STK26: variants seen among roughly 807,000 people sequenced by gnomAD.
STK26 encodes the protein serine/threonine kinase 26, also known as serine/threonine-protein kinase 26.
In STK26, 14 loss-of-function variants were observed where a neutral mutation model predicts 34.7. The ratio of observed to expected loss-of-function variants is 0.40; its 90% CI spans 0.27 to 0.63. The LOEUF (loss-of-function observed/expected upper bound fraction) is 0.63. Among genes scored for constraint, STK26 ranks in the 30% least tolerant of loss-of-function variants. The pLI is 0.38. For synonymous variants in STK26, 100 were observed against 109.8 expected (o/e 0.91, Z 0.56); for missense variants, 226 against 309.1 (o/e 0.73, Z 2.02).
intron 8 of STK26, 35 bp downstream of exon 8, chrX:132,071,252 C>A (rs747844871): frequency 8.5e-7 from 1 of 1,179,948 alleles, no homozygotes; most frequent in Non-Finnish European, 1.1e-6. Flanking sequence ...ATGTAGGCAG[C>A]CTATTTAAAT....
chrX:132,037,546 A>G (rs895419871), intron 2 of STK26, among the ~76,000 whole-genome samples: 1 of 111,312 alleles, frequency 9.0e-6, no homozygotes, highest in Non-Finnish European at 1.9e-5. Flanking sequence ...ACTGCTTTTG[A>G]TATATATTAA....
At chrX:132,056,116 T>C (rs2124172442) in intron 3 of STK26, among the ~76,000 whole-genome samples, 1 of 112,608 alleles carries the variant, frequency 8.9e-6, no homozygotes, top group East Asian at 2.8e-4. Context: ...TTGACACAAT[T>C]ATTTTAAATT....
chrX:132,060,827 G>C (rs1927028572), intron 3 of STK26, among the ~76,000 whole-genome samples: 1 of 109,339 alleles, frequency 9.1e-6, no homozygotes, highest in African/African-American at 3.3e-5. Flanking sequence ...ATGTTGCCTA[G>C]ACTGCTCTCA....
At chrX:132,038,295 AAAGG>A (rs1926134833) in intron 2 of STK26, among the ~76,000 whole-genome samples, 1 of 112,061 alleles carries the variant, frequency 8.9e-6, no homozygotes, top group East Asian at 2.8e-4. Flanking sequence ...AGCTAACAGA[AAAGG>A]AAATTGGGGA....
chrX:132,062,784 T>C (rs1927096614), intron 3 of STK26, among the ~76,000 whole-genome samples: 1 of 112,252 alleles, frequency 8.9e-6, no homozygotes, highest in South Asian at 3.6e-4. Context: ...TAAAAATTAC[T>C]AATAGTTCAA....
intron 1 of STK26, 41 bp from the exon 2 acceptor site, chrX:132,023,467 C>A: frequency 1.4e-6 from 1 of 718,305 alleles, no homozygotes; most frequent in Non-Finnish European, 2.2e-6. Context: ...CCGGGCTACG[C>A]GCCGCCAGCC....
At chrX:132,059,869 C>G (rs1266467143) in intron 3 of STK26, among the ~76,000 whole-genome samples, 1 of 111,427 alleles carries the variant, frequency 9.0e-6, no homozygotes, top group African/African-American at 3.3e-5. Flanking sequence ...TTCACTGAAA[C>G]TGTATGTGCT....
At chrX:132,035,565 T>C (rs1926010553) in intron 2 of STK26, among the ~76,000 whole-genome samples, 1 of 110,152 alleles carries the variant, frequency 9.1e-6, no homozygotes, top group Admixed American at 9.7e-5. Context: ...GGAATTATGT[T>C]ACCATGCTCA....
chrX:132,023,794 A>G, intron 2 of STK26, 135 bp downstream of exon 2: 1 of 766,563 alleles, frequency 1.3e-6, no homozygotes. Context: ...TGGCCAGGTG[A>G]CCTGGGAGTA....
At chrX:132,041,244 G>C (rs1324032290) in intron 2 of STK26, among the ~76,000 whole-genome samples, 1 of 111,538 alleles carries the variant, frequency 9.0e-6, no homozygotes, top group Non-Finnish European at 1.9e-5. Flanking sequence ...GAGGTGGTCA[G>C]GAAAGGCTGT....
At chrX:132,044,828 TAGAGAGAG>T in intron 2 of STK26, among the ~76,000 whole-genome samples, 1 of 53,025 alleles carries the variant, frequency 1.9e-5, no homozygotes, top group Admixed American at 2.0e-4. Context: ...TTTATATATA[TAGAGAGAG>T]ATCTATATAT....
At position 132,072,374 on chromosome X, in the gene STK26, A is replaced by G; in HGVS notation, c.1026+13A>G. ...ACAGAATGGGGCAGTATGTATATGG[A>G]GACAATTACTTACTCTTCATACAGT... On this transcript the variant is annotated intron_variant, in intron 9 of 11. Transcript: ENST00000394334. The G allele has an allele frequency of 8.7e-7, 1 of 1,151,800 alleles. No homozygotes were observed. Among genetic ancestry groups the G allele is most frequent in the African/African-American group, 1.8e-5 (1 of 56,336 alleles). 94.9% of individuals were successfully genotyped at this position (1,151,800 alleles called of 1,213,427 possible). A position where few individuals can be genotyped will look rare whatever the true frequency, so the allele number is the denominator to read the frequency against.
At chrX:132,045,644 G>A (rs148067211) in intron 2 of STK26, among the ~76,000 whole-genome samples, 6,915 of 111,702 alleles carry the variant, frequency 0.062, 199 homozygotes, top group Middle Eastern at 0.1. Flanking sequence ...AGGTCAGAGA[G>A]GAATTAGCTA....
intron 2 of STK26, among the ~76,000 whole-genome samples, chrX:132,031,600 C>T (rs1255418345): frequency 8.9e-6 from 1 of 111,849 alleles, no homozygotes; most frequent in Non-Finnish European, 1.9e-5. Context: ...CCTCCAGTTC[C>T]GTCCATGTTG....
intron 2 of STK26, among the ~76,000 whole-genome samples, chrX:132,028,767 G>T (rs1186354218): frequency 3.6e-5 from 4 of 111,161 alleles, no homozygotes; most frequent in African/African-American, 6.6e-5. Context: ...GTTAACTGGG[G>T]TGGGGGATGG....
intron 9 of STK26, 29 bp from the exon 10 acceptor site, chrX:132,072,784 T>C: frequency 3.4e-6 from 4 of 1,175,515 alleles, no homozygotes; most frequent in Non-Finnish European, 4.6e-6. Context: ...TTTAATTTCA[T>C]GTGTATAATC....
chrX:132,040,356 C>T (rs904693047), intron 2 of STK26, among the ~76,000 whole-genome samples: 1 of 112,478 alleles, frequency 8.9e-6, no homozygotes, highest in African/African-American at 3.2e-5. Flanking sequence ...AAGTAACTGA[C>T]TTGCCTATTG....
intron 2 of STK26, among the ~76,000 whole-genome samples, chrX:132,044,690 G>T (rs2748725): frequency 0.38 from 18,013 of 47,301 alleles, 4,214 homozygotes; most frequent in African/African-American, 0.51. Flanking sequence ...TATATATATA[G>T]AGAGAGAGAG....
rs185367606 is a variant in STK26, at chrX:132,034,862, A to G, written c.42+11203A>G. ...ACAGACTACTAAACCTTAGTCCCAG[A>G]GTTTCTGATTGAATAGATCTGAGGT... On this transcript the variant is annotated intron_variant, in intron 2 of 11. Transcript: ENST00000394334. Among the ~76,000 whole-genome samples, 297 of 110,494 alleles carry G rather than the reference A, an allele frequency of 2.7e-3. 1 individual carries two copies. Among genetic ancestry groups the G allele is most frequent in the African/African-American group, 9.4e-3 (284 of 30,287 alleles).
Sources: allele counts gnomAD v4.1 joint callset (sites outside exome capture counted in the v4.1 genomes callset), GRCh38; gene constraint gnomAD v4.1.1; transcripts MANE v1.5; gene names NCBI Gene and HGNC (gene_info 2026-07-23, HGNC 2026-07-21).